Variants in TBL1XR1 observed in about 807,000 individuals in gnomAD.
The protein encoded by TBL1XR1 is TBL1X/Y related 1, also known as F-box-like/WD repeat-containing protein TBL1XR1.
Under a neutral mutation model 66.9 loss-of-function variants are expected in TBL1XR1, and 5 were observed. That is an observed-to-expected ratio of 0.07 (90% CI 0.04 to 0.16). The LOEUF (loss-of-function observed/expected upper bound fraction) is 0.16. TBL1XR1 is among the 10% of genes least tolerant of loss of function. The probability of loss-of-function intolerance (pLI) is 1.00; values close to 1 mark genes in which losing one functional copy is unlikely to be tolerated. For missense variants in TBL1XR1, 238 were observed against 623.2 expected (o/e 0.38, Z 6.58); for synonymous variants, 210 against 206.0 (o/e 1.02, Z -0.17).
chr3:177,198,098 C>G (rs1434491193), upstream of TBL1XR1, among the ~76,000 whole-genome samples: 1 of 152,120 alleles, frequency 6.6e-6, no homozygotes, highest in South Asian at 2.1e-4. Flanking sequence ...GTGAAAATCT[C>G]TGTGAACACC....
chr3:177,155,475 TCTGTATCTATGAAAGAAA>T (rs1458535113), intron 1 of TBL1XR1, among the ~76,000 whole-genome samples: 5 of 152,232 alleles, frequency 3.3e-5, no homozygotes, highest in African/African-American at 1.2e-4. Flanking sequence ...TCTATGTTGT[TCTGTATCTATGAAAGAAA>T]TTTAATTTGG....
At chr3:177,079,969 A>G (rs1721195368) in intron 2 of TBL1XR1, 1 of 152,176 alleles carries the variant, frequency 6.6e-6, no homozygotes, top group Non-Finnish European at 1.5e-5. Context: ...GTACTGAATT[A>G]GATAATCTGA....
At chr3:177,086,852 T>C (rs1233598328) in intron 2 of TBL1XR1, 1 of 151,778 alleles carries the variant, frequency 6.6e-6, no homozygotes, top group African/African-American at 2.4e-5. Context: ...GAAGTCTTAC[T>C]AGTAACATAA....
At chr3:177,170,469 C>T (rs1733323331) in intron 1 of TBL1XR1, among the ~76,000 whole-genome samples, 1 of 152,126 alleles carries the variant, frequency 6.6e-6, no homozygotes, top group Non-Finnish European at 1.5e-5. Flanking sequence ...GGGTTAATAA[C>T]CCTTCCCAGG....
chr3:177,163,630 G>A (rs567462039), intron 1 of TBL1XR1, among the ~76,000 whole-genome samples: 48 of 152,120 alleles, frequency 3.2e-4, no homozygotes, highest in Non-Finnish European at 5.7e-4. Flanking sequence ...ACAATACTGG[G>A]GAGAGGGTGT....
chr3:177,114,581 T>C (rs1560191923), intron 1 of TBL1XR1, among the ~76,000 whole-genome samples: 1 of 151,984 alleles, frequency 6.6e-6, no homozygotes, highest in African/African-American at 2.4e-5. Flanking sequence ...GATTACGGCA[T>C]GAGCCACCAC....
rs201302557 is a variant in TBL1XR1, at chr3:177,069,793, AAAGGAAGGAAGGAAGGAAGGAAGGAAGG to A, written c.-45-4799_-45-4772del. Among the ~76,000 whole-genome samples, 74 of 92,418 alleles carry A rather than the reference AAAGGAAGGAAGGAAGGAAGGAAGGAAGG, an allele frequency of 8.0e-4. 2 individuals carry two copies. In the East Asian group the frequency reaches 0.012, roughly 15 times the overall value. 60.6% of individuals were successfully genotyped at this position (92,418 alleles called of 152,430 possible). On this transcript the variant is annotated intron_variant, in intron 2 of 15. Coordinates refer to ENST00000457928, the MANE Select transcript of TBL1XR1 (RefSeq NM_024665.7). Reference sequence around the variant, plus strand: ...GGAAGGAAAGGAAGGAAAAGGAAGGAAAGGAAGGAAGGAAGGAAGGAAGGAAGGAAGGAAGGAAGGAAGGAAGGAAGGA... The same window carrying A: ...GGAAGGAAAGGAAGGAAAAGGAAGGAAAGGAAGGAAGGAAGGAAGGAAGGA...
intron 14 of TBL1XR1, among the ~76,000 whole-genome samples, chr3:177,028,660 A>G (rs568658326): frequency 1.6e-3 from 251 of 152,364 alleles, no homozygotes; most frequent in African/African-American, 5.3e-3. Flanking sequence ...ATAAAACTCA[A>G]TAACGATTTT....
chr3:177,130,766 C>T (rs1232016776), intron 1 of TBL1XR1, among the ~76,000 whole-genome samples: 1 of 152,068 alleles, frequency 6.6e-6, no homozygotes, highest in African/African-American at 2.4e-5. Context: ...TTATCAAAGC[C>T]CAGACTAAAA....
intron 1 of TBL1XR1, among the ~76,000 whole-genome samples, chr3:177,122,257 C>T (rs185554205): frequency 5.8e-4 from 86 of 148,534 alleles, no homozygotes; most frequent in Non-Finnish European, 9.5e-4. Flanking sequence ...ATATTCCCTC[C>T]TCCTCTAATA....
chr3:177,040,264 G>A (rs141721162), intron 10 of TBL1XR1, among the ~76,000 whole-genome samples: 6,805 of 152,246 alleles, frequency 0.045, 227 homozygotes, highest in Non-Finnish European at 0.064. Flanking sequence ...GCAGTGAGCC[G>A]TGATTGCACC....
chr3:177,155,711 T>G (rs770627124), intron 1 of TBL1XR1, among the ~76,000 whole-genome samples: 1 of 152,156 alleles, frequency 6.6e-6, no homozygotes, highest in Non-Finnish European at 1.5e-5. Context: ...CCTCATACCA[T>G]ACACAAAAAT....
intron 14 of TBL1XR1, 169 bp from the exon 15 acceptor site, chr3:177,026,643 C>CA (rs1212781687): frequency 3.7e-6 from 2 of 546,632 alleles, no homozygotes; most frequent in African/African-American, 2.0e-5. Context: ...GATCCCTTTA[C>CA]AAAAAGATAA....
intron 13 of TBL1XR1, among the ~76,000 whole-genome samples, chr3:177,033,703 G>C (rs1162729283): frequency 6.6e-6 from 1 of 152,074 alleles, no homozygotes; most frequent in Non-Finnish European, 1.5e-5. Flanking sequence ...CTAACAAGTG[G>C]ATAAAGAAAA....
intron 1 of TBL1XR1, among the ~76,000 whole-genome samples, chr3:177,121,673 C>A (rs1157635357): frequency 1.3e-5 from 2 of 152,148 alleles, no homozygotes; most frequent in African/African-American, 4.8e-5. Flanking sequence ...TAAGTAACAT[C>A]TTTCATCATT....
intron 2 of TBL1XR1, among the ~76,000 whole-genome samples, chr3:177,090,154 A>C (rs1167427038): frequency 1.3e-5 from 2 of 152,198 alleles, no homozygotes; most frequent in African/African-American, 4.8e-5. Flanking sequence ...AATAAAGACT[A>C]TCTCTATGTC....
intron 3 of TBL1XR1, among the ~76,000 whole-genome samples, chr3:177,061,867 A>G (rs1369906921): frequency 6.6e-6 from 1 of 152,212 alleles, no homozygotes; most frequent in Non-Finnish European, 1.5e-5. Context: ...ATTAGGACCT[A>G]TTGCAAAAGT....
chr3:177,133,589 A>G (rs1728558147), intron 1 of TBL1XR1, among the ~76,000 whole-genome samples: 1 of 152,182 alleles, frequency 6.6e-6, no homozygotes. Context: ...ATAATAATAT[A>G]CGCATACATG....
intron 1 of TBL1XR1, among the ~76,000 whole-genome samples, chr3:177,112,541 T>C (rs902305417): frequency 6.6e-6 from 1 of 152,086 alleles, no homozygotes; most frequent in African/African-American, 2.4e-5. Context: ...TTATCAGAGG[T>C]GATAAAATGA....
Sources: gnomAD v4.1 joint callset for allele counts (sites outside exome capture counted in the v4.1 genomes callset) on GRCh38, gnomAD v4.1.1 for gene constraint, MANE v1.5 for transcripts, NCBI Gene and HGNC (gene_info 2026-07-23, HGNC 2026-07-21) for gene names.